CREB5: variants seen among roughly 807,000 people sequenced by gnomAD.
The protein encoded by CREB5 is cyclic AMP-responsive element-binding protein 5.
A neutral mutation model predicts 57.1 loss-of-function variants in CREB5; 19 were observed. The observed-to-expected ratio is 0.33, with a 90% CI of 0.23 to 0.49. CREB5 has a LOEUF of 0.49. Ranked by LOEUF, CREB5 falls within the 20% of genes least tolerant of loss-of-function variation. The probability of loss-of-function intolerance (pLI) is 0.99; values close to 1 mark genes in which losing one functional copy is unlikely to be tolerated. For missense variants in CREB5, 579 were observed against 671.6 expected, an observed-to-expected ratio of 0.86 and a Z score of 1.52; for synonymous variants, 238 against 238.3, an observed-to-expected ratio of 1.00 and a Z score of 0.01.
At chr7:28,434,350 T>C (rs1788853892) in intron 1 of CREB5, among the ~76,000 whole-genome samples, 1 of 152,238 alleles carries the variant, frequency 6.6e-6, no homozygotes, top group South Asian at 2.1e-4. Flanking sequence ...ATTCCTTTTA[T>C]AGAATTTTAA....
At chr7:28,355,735 C>T (rs964418798) in intron 1 of CREB5, among the ~76,000 whole-genome samples, 4 of 152,118 alleles carry the variant, frequency 2.6e-5, no homozygotes, top group Non-Finnish European at 2.9e-5. Context: ...AAAGCTAATC[C>T]GAATCGACTA....
chr7:28,796,101 G>A (rs1280111334), intron 7 of CREB5, among the ~76,000 whole-genome samples: 3 of 152,164 alleles, frequency 2.0e-5, no homozygotes, highest in African/African-American at 7.2e-5. Context: ...TAGTACATTC[G>A]ACGTGTTGTG....
chr7:28,469,827 G>A (rs913764628), intron 1 of CREB5, among the ~76,000 whole-genome samples: 1 of 152,162 alleles, frequency 6.6e-6, no homozygotes, highest in African/African-American at 2.4e-5. Context: ...GAGAGGTTAA[G>A]TGATTTATCC....
chr7:28,440,234 T>C (rs1214032180), intron 1 of CREB5, among the ~76,000 whole-genome samples: 2 of 152,174 alleles, frequency 1.3e-5, no homozygotes, highest in Admixed American at 1.3e-4. Flanking sequence ...TTTATTTAAG[T>C]ATAGGTTTGG....
intron 5 of CREB5, among the ~76,000 whole-genome samples, chr7:28,709,717 T>C (rs917397550): frequency 6.6e-6 from 1 of 151,766 alleles, no homozygotes; most frequent in African/African-American, 2.4e-5. Flanking sequence ...AAGTTATCGT[T>C]TGCAAAATAA....
chr7:28,599,395 AC>A (rs1347792144), intron 5 of CREB5, among the ~76,000 whole-genome samples: 1 of 152,184 alleles, frequency 6.6e-6, no homozygotes, highest in Non-Finnish European at 1.5e-5. Flanking sequence ...TTTTATCCTT[AC>A]CCACAGATTA....
intron 1 of CREB5, among the ~76,000 whole-genome samples, chr7:28,386,435 T>C (rs919192492): frequency 6.6e-6 from 1 of 152,206 alleles, no homozygotes; most frequent in Non-Finnish European, 1.5e-5. Context: ...TAATCTGCCT[T>C]TTCCTCTAGG....
chr7:28,603,899 G>T (rs964032137), intron 5 of CREB5, among the ~76,000 whole-genome samples: 2 of 152,106 alleles, frequency 1.3e-5, no homozygotes, highest in Non-Finnish European at 2.9e-5. Context: ...TGTCCTCAAG[G>T]GATCTGTGGC....
At chr7:28,406,548 C>T (rs1393055207) in intron 1 of CREB5, among the ~76,000 whole-genome samples, 1 of 152,226 alleles carries the variant, frequency 6.6e-6, no homozygotes, top group Non-Finnish European at 1.5e-5. Context: ...GGTGTAAGCG[C>T]CCCTGTCTCC....
chr7:28,499,620 G>T (rs935761787), intron 3 of CREB5, among the ~76,000 whole-genome samples: 1 of 152,136 alleles, frequency 6.6e-6, no homozygotes, highest in Non-Finnish European at 1.5e-5. Flanking sequence ...TTTCGCTCTC[G>T]TTGCCCAGGC....
chr7:28,778,269 T>C (rs1269044348), intron 7 of CREB5, among the ~76,000 whole-genome samples: 1 of 152,250 alleles, frequency 6.6e-6, no homozygotes, highest in African/African-American at 2.4e-5. Flanking sequence ...AGGTATGTAA[T>C]GTTAAGCCTA....
rs568257990 is a variant in CREB5 at position 28,560,488 on chromosome 7, G to A, written c.292-9877G>A. Among the ~76,000 whole-genome samples, 33 of 152,246 alleles carry A rather than the reference G, an allele frequency of 2.2e-4. No homozygotes were observed. In the South Asian group the frequency reaches 6.7e-3, roughly 31 times the overall value. On this transcript the variant is annotated intron_variant, in intron 4 of 10. Coordinates refer to ENST00000357727, the MANE Select transcript of CREB5 (RefSeq NM_182898.4). ...TGCTGAATTACATCAATTAATTGGA[G>A]AACAGGGTCTGGAGTGTTCTGGGAG...
intron 1 of CREB5, among the ~76,000 whole-genome samples, chr7:28,341,054 G>T (rs776265682): frequency 6.6e-6 from 1 of 152,082 alleles, no homozygotes; most frequent in African/African-American, 2.4e-5. Flanking sequence ...CTTCTTCAGA[G>T]CCCCTTTCAG....
At chr7:28,467,621 A>G (rs1790643875) in intron 1 of CREB5, among the ~76,000 whole-genome samples, 1 of 152,158 alleles carries the variant, frequency 6.6e-6, no homozygotes, top group African/African-American at 2.4e-5. Flanking sequence ...GCAAGCAGAA[A>G]GAGAAGTTGC....
At chr7:28,373,399 A>G (rs569870652) in intron 1 of CREB5, among the ~76,000 whole-genome samples, 4 of 152,034 alleles carry the variant, frequency 2.6e-5, no homozygotes, top group Admixed American at 6.6e-5. Flanking sequence ...AAGTGGTAGT[A>G]GGATATGTGG....
intron 1 of CREB5, among the ~76,000 whole-genome samples, chr7:28,418,991 TCTTA>T (rs1788128287): frequency 6.6e-6 from 1 of 152,212 alleles, no homozygotes; most frequent in East Asian, 1.9e-4. Flanking sequence ...TGCTAATACC[TCTTA>T]CTTTCCAGCT....
At chr7:28,560,919 T>TGCGTGCGAGCGCGCGTGC in intron 4 of CREB5, among the ~76,000 whole-genome samples, 1 of 42,996 alleles carries the variant, frequency 2.3e-5, no homozygotes, top group Admixed American at 2.1e-4. Context: ...CGTGTGCGTG[T>TGCGTGCGAGCGCGCGTGC]GTGCGCGTGC....
intron 5 of CREB5, among the ~76,000 whole-genome samples, chr7:28,647,704 A>G (rs993472509): frequency 6.6e-6 from 1 of 152,198 alleles, no homozygotes; most frequent in African/African-American, 2.4e-5. Context: ...AATGTAGGTC[A>G]GCATTGTCCA....
In CREB5 at chr7:28,697,081, T is replaced by C. The variant is rs538573576; in HGVS notation, c.465-21672T>C. On this transcript the variant is annotated intron_variant, in intron 5 of 10. Coordinates refer to ENST00000357727, the MANE Select transcript of CREB5 (RefSeq NM_182898.4). Reference sequence around the variant, plus strand: ...ATATGCACACATACATATTTATATATACACACACACAATTTTTATGGAATA... The same window carrying C: ...ATATGCACACATACATATTTATATACACACACACACAATTTTTATGGAATA... 1.4e-3 allele frequency among the ~76,000 whole-genome samples: 213 copies of C among 152,116 alleles called. 1 individual carries two copies. Among genetic ancestry groups the C allele is most frequent in the African/African-American group, 4.7e-3 (197 of 41,476 alleles).
Sources: gnomAD v4.1 joint callset for allele counts (sites outside exome capture counted in the v4.1 genomes callset) on GRCh38, gnomAD v4.1.1 for gene constraint, MANE v1.5 for transcripts, NCBI Gene and HGNC (gene_info 2026-07-23, HGNC 2026-07-21) for gene names.